Variants in SLC36A1 observed in about 807,000 individuals in gnomAD.
SLC36A1 encodes the protein proton-coupled amino acid transporter 1.
In SLC36A1, 30 loss-of-function variants were observed where a neutral mutation model predicts 47.5. The observed-to-expected ratio is 0.63, with a 90% confidence interval of 0.47 to 0.86. SLC36A1 has a LOEUF of 0.86. Ranked by LOEUF, SLC36A1 falls within the 40% of genes least tolerant of loss-of-function variation. The pLI is 0.00. For synonymous variants in SLC36A1, 255 were observed against 249.7 expected (o/e 1.02, Z -0.20); for missense variants, 517 against 606.0 (o/e 0.85, Z 1.54).
chr5:151,486,094 C>T (rs1013788944), intron 10 of SLC36A1, among the ~76,000 whole-genome samples: 5 of 152,172 alleles, frequency 3.3e-5, no homozygotes, highest in African/African-American at 7.2e-5. Context: ...TGGCTCATGG[C>T]TCTGCAGGCT....
At chr5:151,416,383 A>G in the SLC36A1 span, among the ~76,000 whole-genome samples, 1 of 152,214 alleles carries the variant, frequency 6.6e-6, no homozygotes, top group Non-Finnish European at 1.5e-5. Context: ...CAAGTAACAG[A>G]GCCAATAGAA....
chr5:151,540,900 A>C, the SLC36A1 span: 6 of 664,526 alleles, frequency 9.0e-6, no homozygotes, highest in Admixed American at 3.3e-5. Context: ...CTAGGAACCC[A>C]CGATTCTACA....
the SLC36A1 span, among the ~76,000 whole-genome samples, chr5:151,396,572 A>C: frequency 6.6e-6 from 1 of 152,200 alleles, no homozygotes; most frequent in African/African-American, 2.4e-5. Flanking sequence ...GGTCACACAC[A>C]AGAAAAAAGA....
downstream of SLC36A1, among the ~76,000 whole-genome samples, chr5:151,494,520 C>G (rs1195411521): frequency 6.6e-6 from 1 of 152,142 alleles, no homozygotes; most frequent in Non-Finnish European, 1.5e-5. Context: ...CCAGTTTTGT[C>G]TTTTCTAGAA....
chr5:151,515,522 T>C, the SLC36A1 span, among the ~76,000 whole-genome samples: 1 of 152,150 alleles, frequency 6.6e-6, no homozygotes, highest in Non-Finnish European at 1.5e-5. Flanking sequence ...GAAACTGCAC[T>C]CTGATCTCCC....
At chr5:151,379,846 T>C in the SLC36A1 span, among the ~76,000 whole-genome samples, 1 of 152,212 alleles carries the variant, frequency 6.6e-6, no homozygotes, top group Non-Finnish European at 1.5e-5. Context: ...ATTAGTCACA[T>C]TTCAAGCGCT....
the SLC36A1 span, among the ~76,000 whole-genome samples, chr5:151,552,905 C>CT: frequency 6.6e-6 from 1 of 152,224 alleles, no homozygotes; most frequent in Non-Finnish European, 1.5e-5. Flanking sequence ...CATTTTAGGT[C>CT]TCCTAGGCCC....
intron 8 of SLC36A1, among the ~76,000 whole-genome samples, chr5:151,476,103 T>G (rs557505425): frequency 6.6e-6 from 1 of 152,402 alleles, no homozygotes; most frequent in South Asian, 2.1e-4. Context: ...TTTCTCTCAC[T>G]TGGAGGTTTA....
At chr5:151,493,720 G>A (rs1037966472), downstream of SLC36A1, among the ~76,000 whole-genome samples, 6 of 152,174 alleles carry the variant, frequency 3.9e-5, no homozygotes, top group Non-Finnish European at 8.8e-5. Context: ...AGCAGCATTG[G>A]GATACACACA....
At chr5:151,544,865 C>G in the SLC36A1 span, 1 of 1,614,188 alleles carries the variant, frequency 6.2e-7, no homozygotes, top group Admixed American at 1.7e-5. Flanking sequence ...TGAAAGAGGA[C>G]ATCCCCTGGC....
At chr5:151,351,692 T>C in the SLC36A1 span, among the ~76,000 whole-genome samples, 1 of 152,198 alleles carries the variant, frequency 6.6e-6, no homozygotes, top group Non-Finnish European at 1.5e-5. Context: ...AGAGCTACCA[T>C]TTATTAAGCA....
rs571093084 is a variant in SLC36A1 at position 151,465,222 on chromosome 5, A to G, written c.419+53A>G. The stretch of plus-strand genomic sequence containing the variant: ...TGTGGCCTCCCAGTGTGAGGCCTTC[A>G]GATGGGGAGGTGCAACGTGGGAGAC... On this transcript the variant is annotated intron_variant, in intron 5 of 10. Coordinates refer to ENST00000243389, the MANE Select transcript of SLC36A1 (RefSeq NM_078483.4). 4.4e-6 allele frequency: 6 copies of G among 1,376,502 alleles called. No homozygotes were observed. In the East Asian group the frequency reaches 9.1e-5, roughly 21 times the overall value. The allele number at this position is 1,376,502 out of a possible 1,614,324, so 85.3% of individuals were successfully genotyped here.
the SLC36A1 span, chr5:151,509,970 A>G: frequency 7.5e-6 from 12 of 1,594,384 alleles, no homozygotes; most frequent in African/African-American, 1.4e-5. Flanking sequence ...CAGAGTACAG[A>G]GCGCATTCCC....
At position 151,460,020 on chromosome 5, in the gene SLC36A1, G is replaced by A. The variant is rs1247331924; in HGVS notation, c.143+1085G>A. ...TGTTTCTGTAGCTTATTTCTCAGGG[G>A]TATGCTTTTGTAGATTCCCCATTAG... On this transcript the variant is annotated intron_variant, in intron 2 of 10. Transcript: ENST00000243389. Among the ~76,000 whole-genome samples the A allele has an allele frequency of 9.9e-5, 15 of 152,206 alleles. 1 individual carries two copies. Among genetic ancestry groups the A allele is most frequent in the Admixed American group, 8.5e-4 (13 of 15,280 alleles).
the SLC36A1 span, among the ~76,000 whole-genome samples, chr5:151,424,108 G>A: frequency 1.7e-4 from 26 of 152,308 alleles, no homozygotes; most frequent in Non-Finnish European, 2.9e-4. Context: ...CATGGCAGGC[G>A]GGGCTGCCTA....
chr5:151,428,461 C>T, the SLC36A1 span, among the ~76,000 whole-genome samples: 2 of 152,202 alleles, frequency 1.3e-5, no homozygotes, highest in Non-Finnish European at 2.9e-5. Context: ...GCTGGCCATG[C>T]AGAAGTGAGC....
chr5:151,524,782 T>C, the SLC36A1 span, among the ~76,000 whole-genome samples: 9 of 152,176 alleles, frequency 5.9e-5, no homozygotes, highest in Non-Finnish European at 1.3e-4. Flanking sequence ...TCAGGCTCTT[T>C]CCCAACTCAT....
At chr5:151,471,070 A>G (rs745447557) in intron 7 of SLC36A1, 1 of 152,262 alleles carries the variant, frequency 6.6e-6, no homozygotes, top group Non-Finnish European at 1.5e-5. Context: ...AAATACTGTT[A>G]TTATAATTGA....
At chr5:151,452,980 C>T (rs529658928) in intron 1 of SLC36A1, among the ~76,000 whole-genome samples, 1 of 150,504 alleles carries the variant, frequency 6.6e-6, no homozygotes, top group Non-Finnish European at 1.5e-5. Context: ...GGTGGGTGGA[C>T]CACCTGAGGT....
Sources: allele counts gnomAD v4.1 joint callset (sites outside exome capture counted in the v4.1 genomes callset), GRCh38; gene constraint gnomAD v4.1.1; transcripts MANE v1.5; gene names NCBI Gene and HGNC (gene_info 2026-07-23, HGNC 2026-07-21).